CCSER1: variants seen among roughly 807,000 people sequenced by gnomAD.
The protein encoded by CCSER1 is coiled-coil serine rich protein 1.
CCSER1 carries 41 observed loss-of-function variants against 82.0 expected under a neutral mutation model. That is an observed-to-expected ratio of 0.50 (90% CI 0.39 to 0.65). CCSER1 has a LOEUF of 0.65. CCSER1 is among the 30% of genes least tolerant of loss of function. CCSER1 has a pLI of 0.00. For missense variants in CCSER1, 1,119 were observed against 1,064.2 expected, an observed-to-expected ratio of 1.05 and a Z score of -0.72; for synonymous variants, 414 against 383.9, an observed-to-expected ratio of 1.08 and a Z score of -0.92.
At chr4:90,315,526 G>T (rs915062154) in intron 3 of CCSER1, among the ~76,000 whole-genome samples, 1 of 151,368 alleles carries the variant, frequency 6.6e-6, no homozygotes, top group African/African-American at 2.4e-5. Context: ...TTTTTTTAAG[G>T]CAGAGTCTCA....
intron 10 of CCSER1, among the ~76,000 whole-genome samples, chr4:91,453,222 T>A (rs189835010): frequency 1.3e-5 from 2 of 152,060 alleles, no homozygotes; most frequent in African/African-American, 4.8e-5. Flanking sequence ...GCATTTGGAG[T>A]TTTATGTCTT....
At chr4:90,286,005 A>G (rs926951262) in intron 1 of CCSER1, among the ~76,000 whole-genome samples, 2 of 151,962 alleles carry the variant, frequency 1.3e-5, no homozygotes, top group Non-Finnish European at 2.9e-5. Context: ...ATGATGAATG[A>G]TCTATTTAAT....
At chr4:91,580,117 C>A (rs181697416) in intron 10 of CCSER1, among the ~76,000 whole-genome samples, 1 of 151,756 alleles carries the variant, frequency 6.6e-6, no homozygotes, top group Non-Finnish European at 1.5e-5. Flanking sequence ...CCAGTTACTG[C>A]AGAGCAAGCT....
intron 10 of CCSER1, among the ~76,000 whole-genome samples, chr4:91,523,898 C>T (rs2138582): frequency 0.64 from 97,761 of 151,978 alleles, 31,619 homozygotes; most frequent in East Asian, 0.72. Flanking sequence ...ATCTTAGTTA[C>T]TTCTTGCCTT....
intron 8 of CCSER1, among the ~76,000 whole-genome samples, chr4:90,883,956 G>T (rs1294222661): frequency 6.6e-6 from 1 of 152,192 alleles, no homozygotes; most frequent in Non-Finnish European, 1.5e-5. Context: ...AGAGAGGGAT[G>T]CAAGGTGACC....
chr4:91,236,966 A>G (rs1271769022), intron 10 of CCSER1, among the ~76,000 whole-genome samples: 1 of 152,212 alleles, frequency 6.6e-6, no homozygotes, highest in Admixed American at 6.5e-5. Context: ...ATTTTGTAGG[A>G]TATTGAATGT....
chr4:91,543,030 G>A (rs1428168846), intron 10 of CCSER1, among the ~76,000 whole-genome samples: 1 of 152,152 alleles, frequency 6.6e-6, no homozygotes, highest in Non-Finnish European at 1.5e-5. Context: ...TCTTCTTGTT[G>A]AATTGAGCCC....
chr4:90,430,082 GAACA>G (rs143706080), intron 4 of CCSER1, among the ~76,000 whole-genome samples: 2,556 of 151,842 alleles, frequency 0.017, 67 homozygotes, highest in African/African-American at 0.058. Flanking sequence ...TGAAGTAAAT[GAACA>G]AACAGAGGAA....
intron 10 of CCSER1, among the ~76,000 whole-genome samples, chr4:91,212,762 A>G (rs1441304291): frequency 6.6e-6 from 1 of 152,014 alleles, no homozygotes; most frequent in Non-Finnish European, 1.5e-5. Context: ...TAGATGCAGG[A>G]GGTACATGTG....
rs1753823349 is a variant in CCSER1 at position 90,781,870 on chromosome 4, A to G, written c.2011-33892A>G. On this transcript the variant is annotated intron_variant, in intron 7 of 10. Transcript: ENST00000509176. Reference sequence around the variant, plus strand: ...TTTTCTATTTCAGTTTATTTATGAAAGACAGTAATAATGATTGTGATGTAC... The same window carrying G: ...TTTTCTATTTCAGTTTATTTATGAAGGACAGTAATAATGATTGTGATGTAC... 5.4e-6 allele frequency: 5 copies of G among 932,258 alleles called. No individual in the cohort carries two copies. In the South Asian group the frequency reaches 2.5e-4, roughly 46 times the overall value. 57.7% of individuals were successfully genotyped at this position (932,258 alleles called of 1,614,324 possible).
intron 1 of CCSER1, among the ~76,000 whole-genome samples, chr4:90,228,969 C>T (rs1379673020): frequency 6.6e-6 from 1 of 152,036 alleles, no homozygotes; most frequent in African/African-American, 2.4e-5. Flanking sequence ...TATGGGACTA[C>T]GTGTAAAGAC....
intron 10 of CCSER1, among the ~76,000 whole-genome samples, chr4:91,501,507 AT>A (rs1330821759): frequency 6.6e-6 from 1 of 151,998 alleles, no homozygotes; most frequent in Non-Finnish European, 1.5e-5. Flanking sequence ...ATCCATTCAT[AT>A]TCTTTTAATT....
intron 6 of CCSER1, among the ~76,000 whole-genome samples, chr4:90,674,509 G>A (rs1168920714): frequency 6.6e-6 from 1 of 151,798 alleles, no homozygotes; most frequent in South Asian, 2.1e-4. Flanking sequence ...ACAGTCATTC[G>A]GCTTTTCTAA....
chr4:90,595,461 C>T (rs938556748), intron 5 of CCSER1, among the ~76,000 whole-genome samples: 1 of 151,734 alleles, frequency 6.6e-6, no homozygotes. Context: ...CTGGATTAAC[C>T]TTCATAATAT....
At chr4:90,772,864 A>G (rs1355232646) in intron 7 of CCSER1, among the ~76,000 whole-genome samples, 3 of 152,188 alleles carry the variant, frequency 2.0e-5, no homozygotes, top group African/African-American at 7.2e-5. Context: ...CTAAGTTTTT[A>G]TATCCTATTT....
At chr4:90,476,372 G>A (rs1473587811) in intron 5 of CCSER1, among the ~76,000 whole-genome samples, 1 of 147,750 alleles carries the variant, frequency 6.8e-6, no homozygotes, top group Non-Finnish European at 1.5e-5. Context: ...ACAACCCATG[G>A]GCTGCGGAGG....
chr4:91,070,628 G>T (rs550520200), intron 9 of CCSER1, among the ~76,000 whole-genome samples: 98 of 152,244 alleles, frequency 6.4e-4, no homozygotes, highest in African/African-American at 2.0e-3. Flanking sequence ...TCTTATGGGA[G>T]CACAAACCCT....
chr4:90,185,000 C>G (rs1210716804), intron 1 of CCSER1, among the ~76,000 whole-genome samples: 1 of 152,022 alleles, frequency 6.6e-6, no homozygotes, highest in East Asian at 1.9e-4. Context: ...ATTACCTTGA[C>G]CTAGGGAATA....
At chr4:90,702,075 G>A (rs898412954) in intron 6 of CCSER1, among the ~76,000 whole-genome samples, 8 of 152,182 alleles carry the variant, frequency 5.3e-5, no homozygotes, top group African/African-American at 1.9e-4. Flanking sequence ...AATGCTTCCA[G>A]TTTTTGCCCA....
Sources: gnomAD v4.1 joint callset for allele counts (sites outside exome capture counted in the v4.1 genomes callset) on GRCh38, gnomAD v4.1.1 for gene constraint, MANE v1.5 for transcripts, NCBI Gene and HGNC (gene_info 2026-07-23, HGNC 2026-07-21) for gene names.